Variants in CEP128 observed in about 807,000 individuals in gnomAD.
CEP128 encodes centrosomal protein 128kDa.
In CEP128, 132 loss-of-function variants were observed where a neutral mutation model predicts 156.7. The ratio of observed to expected loss-of-function variants is 0.84; its 90% CI spans 0.73 to 0.97. CEP128 has a LOEUF of 0.97. CEP128 is among the 50% of genes least tolerant of loss of function. The pLI is 0.00. For missense variants in CEP128, 1,252 were observed against 1,281.9 expected (o/e 0.98, Z 0.36); for synonymous variants, 469 against 448.9 (o/e 1.04, Z -0.57).
intron 13 of CEP128, among the ~76,000 whole-genome samples, chr14:80,803,788 A>G (rs1884014181): frequency 6.6e-6 from 1 of 152,216 alleles, no homozygotes; most frequent in Non-Finnish European, 1.5e-5. Context: ...TTATTTGTAA[A>G]GCCTCTATTT....
chr14:80,863,749 C>T (rs556894576), intron 8 of CEP128, among the ~76,000 whole-genome samples: 2 of 152,120 alleles, frequency 1.3e-5, no homozygotes, highest in South Asian at 4.1e-4. Flanking sequence ...AAAGTCCTGA[C>T]AAGGAACCTT....
chr14:80,860,234 T>A (rs1887449915), intron 9 of CEP128, among the ~76,000 whole-genome samples: 1 of 152,208 alleles, frequency 6.6e-6, no homozygotes, highest in African/African-American at 2.4e-5. Context: ...CTTCCACTAC[T>A]CTGTTTATAA....
intron 19 of CEP128, among the ~76,000 whole-genome samples, chr14:80,690,197 A>T (rs1190537067): frequency 6.6e-6 from 1 of 150,948 alleles, no homozygotes; most frequent in African/African-American, 2.4e-5. Flanking sequence ...ACCTGAGGTC[A>T]GCAGTTCGAG....
At chr14:80,492,141 A>G (rs1270138879), downstream of CEP128, among the ~76,000 whole-genome samples, 2 of 152,234 alleles carry the variant, frequency 1.3e-5, no homozygotes, top group East Asian at 3.8e-4. Flanking sequence ...TTGAAATTTT[A>G]AAACAGATGT....
intron 19 of CEP128, among the ~76,000 whole-genome samples, chr14:80,710,487 A>G (rs992680071): frequency 6.6e-6 from 1 of 152,162 alleles, no homozygotes; most frequent in African/African-American, 2.4e-5. Context: ...AACTTATCAA[A>G]TTCATAAAAC....
At chr14:80,926,483 T>C (rs1240545104) in intron 2 of CEP128, among the ~76,000 whole-genome samples, 4 of 152,150 alleles carry the variant, frequency 2.6e-5, no homozygotes, top group African/African-American at 4.8e-5. Context: ...CTAATCCCCA[T>C]TGGAGCCACT....
At chr14:80,847,722 G>A (rs908966368) in intron 9 of CEP128, among the ~76,000 whole-genome samples, 3 of 152,146 alleles carry the variant, frequency 2.0e-5, no homozygotes, top group Non-Finnish European at 4.4e-5. Context: ...TTTCCCCTCT[G>A]AGATATTCTG....
At chr14:80,915,870 C>T (rs77723954) in intron 3 of CEP128, among the ~76,000 whole-genome samples, 1 of 152,324 alleles carries the variant, frequency 6.6e-6, no homozygotes, top group East Asian at 1.9e-4. Flanking sequence ...TAATGGCCCT[C>T]AAAGATATCC....
intron 12 of CEP128, among the ~76,000 whole-genome samples, chr14:80,832,239 T>C (rs7142436): frequency 0.065 from 9,900 of 152,266 alleles, 1,073 homozygotes; most frequent in African/African-American, 0.23. Flanking sequence ...GTCTCAAGTA[T>C]GTCTTTATTA....
intron 24 of CEP128, among the ~76,000 whole-genome samples, chr14:80,502,188 G>A (rs1035261483): frequency 6.6e-6 from 1 of 152,118 alleles, no homozygotes; most frequent in Non-Finnish European, 1.5e-5. Flanking sequence ...TAACACCACC[G>A]GCTTGCCCTT....
intron 19 of CEP128, among the ~76,000 whole-genome samples, chr14:80,642,089 C>CAAAAACAAAAAA (rs770897184): frequency 1.1e-5 from 1 of 91,516 alleles, no homozygotes; most frequent in Non-Finnish European, 2.0e-5. Context: ...GACTCCGTTT[C>CAAAAACAAAAAA]AAAAAAAAAA....
intron 19 of CEP128, among the ~76,000 whole-genome samples, chr14:80,685,460 G>C (rs1477277164): frequency 6.6e-6 from 1 of 152,010 alleles, no homozygotes; most frequent in East Asian, 1.9e-4. Flanking sequence ...CAAAGGAATG[G>C]AAAAACATTC....
chr14:80,561,896 C>CTATATATATATATATATATA lies in CEP128; in HGVS notation c.2857-2595_2857-2594insTATATATATATATATATATA, dbSNP rs145642470. Among the ~76,000 whole-genome samples, 600 of 142,188 alleles carry CTATATATATATATATATATA rather than the reference C, an allele frequency of 4.2e-3. 9 individuals are homozygous for CTATATATATATATATATATA. The highest frequency in any genetic ancestry group is 0.01 in the African/African-American group (375 of 37,172). The allele number at this position is 142,188 out of a possible 152,430, so 93.3% of individuals were successfully genotyped here. ...CTCCATTTTGTTGAAATACGAAGGT[C>CTATATATATATATATATATA]TATATATATATATATATTTGTTTTG... On this transcript the variant is annotated intron_variant, in intron 20 of 24. Coordinates refer to ENST00000555265, the MANE Select transcript of CEP128 (RefSeq NM_152446.5).
chr14:80,807,744 C>T (rs1021423705), intron 13 of CEP128, among the ~76,000 whole-genome samples: 1 of 152,174 alleles, frequency 6.6e-6, no homozygotes, highest in Non-Finnish European at 1.5e-5. Flanking sequence ...CTAGGTTACT[C>T]ACCCCAACAC....
intron 19 of CEP128, among the ~76,000 whole-genome samples, chr14:80,685,508 G>T (rs1478312058): frequency 6.6e-6 from 1 of 152,044 alleles, no homozygotes; most frequent in Non-Finnish European, 1.5e-5. Flanking sequence ...TCATTAAAAT[G>T]GCCATACTGC....
intron 19 of CEP128, among the ~76,000 whole-genome samples, chr14:80,615,423 A>C (rs919810565): frequency 1.3e-5 from 2 of 152,208 alleles, no homozygotes; most frequent in African/African-American, 4.8e-5. Flanking sequence ...GCAGTCTATC[A>C]GCAGCTAAGC....
At chr14:80,546,876 G>A (rs1285080816) in intron 21 of CEP128, among the ~76,000 whole-genome samples, 1 of 152,186 alleles carries the variant, frequency 6.6e-6, no homozygotes, top group Non-Finnish European at 1.5e-5. Flanking sequence ...CAAATGTAAT[G>A]TAATTGGGGC....
chr14:80,752,540 C>T (rs1408412291), intron 18 of CEP128, among the ~76,000 whole-genome samples: 2 of 152,150 alleles, frequency 1.3e-5, no homozygotes, highest in African/African-American at 4.8e-5. Context: ...ATTTTCCATT[C>T]TATATCAGAA....
At chr14:80,477,590 G>A (rs1486026025) in exon 15 of CEP128, 1 of 152,160 alleles carries the variant, frequency 6.6e-6, no homozygotes, top group Non-Finnish European at 1.5e-5. Flanking sequence ...CCTGAATTAG[G>A]CCTGAATAAT....
Sources: gnomAD v4.1 joint callset for allele counts (sites outside exome capture counted in the v4.1 genomes callset) on GRCh38, gnomAD v4.1.1 for gene constraint, MANE v1.5 for transcripts, NCBI Gene and HGNC (gene_info 2026-07-23, HGNC 2026-07-21) for gene names.